The following PRIMA1 variants were observed in gnomAD, a reference collection of about 807,000 sequenced individuals.
PRIMA1 encodes proline rich membrane anchor 1.
In PRIMA1, 7 loss-of-function variants were observed where a neutral mutation model predicts 17.5. That is an observed-to-expected ratio of 0.40 (90% CI 0.23 to 0.75). PRIMA1 has a LOEUF of 0.75. Ranked by LOEUF, PRIMA1 falls within the 30% of genes least tolerant of loss-of-function variation. The pLI, the probability that PRIMA1 is intolerant of heterozygous loss-of-function variation, is 0.37. For missense variants in PRIMA1, 200 were observed against 201.8 expected (o/e 0.99, Z 0.05); for synonymous variants, 97 against 77.9 (o/e 1.25, Z -1.29).
intron 4 of PRIMA1, among the ~76,000 whole-genome samples, chr14:93,727,600 C>T (rs921583976): frequency 4.9e-4 from 74 of 152,086 alleles, no homozygotes; most frequent in African/African-American, 1.7e-3. Context: ...AGGGACAATG[C>T]CTCCCTGCCA....
chr14:93,728,208 A>G (rs560661425), intron 4 of PRIMA1, among the ~76,000 whole-genome samples: 1 of 152,318 alleles, frequency 6.6e-6, no homozygotes, highest in Non-Finnish European at 1.5e-5. Context: ...ACGGACTCAT[A>G]TGGCCCAAGG....
chr14:93,721,253 G>T lies in PRIMA1; in HGVS notation c.*191C>A. On this transcript the variant is annotated 3_prime_UTR_variant, in exon 5 of 5. Transcript: ENST00000393140. ...CTGCGCCGGGCTCAGCCTGGTGTCC[G>T]AGCTGCCTGGGCCCGCAGGCTGACC... 1 of 565,032 alleles carries T rather than the reference G, an allele frequency of 1.8e-6. No homozygotes were observed. Among genetic ancestry groups the T allele is most frequent in the Non-Finnish European group, 3.1e-6 (1 of 318,046 alleles). The allele number at this position is 565,032 out of a possible 1,614,324, so 35.0% of individuals were successfully genotyped here.
At position 93,784,091 on chromosome 14, in the gene PRIMA1, G is replaced by T. The variant is rs150708438; in HGVS notation, c.93+3535C>A. ...ACCTGCCTCTCATCTAGGATTGCCA[G>T]ATAAAATATAAGACACCCTATTACA... On this transcript the variant is annotated intron_variant, in intron 2 of 4. Transcript: ENST00000393140. Among the ~76,000 whole-genome samples the T allele has an allele frequency of 4.6e-5, 7 of 152,304 alleles. No individual in the cohort carries two copies. The East Asian group carries it at 1.4e-3, about 29-fold the overall frequency.
intron 2 of PRIMA1, among the ~76,000 whole-genome samples, chr14:93,785,810 T>A (rs909505796): frequency 6.6e-6 from 1 of 152,106 alleles, no homozygotes; most frequent in Non-Finnish European, 1.5e-5. Context: ...CTTTTTAAAT[T>A]GATTTTTATG....
intron 3 of PRIMA1, among the ~76,000 whole-genome samples, chr14:93,750,814 G>A (rs1288026806): frequency 1.3e-5 from 2 of 152,052 alleles, no homozygotes; most frequent in Admixed American, 1.3e-4. Context: ...TTTTAGAAAG[G>A]CCCTTTACCC....
At chr14:93,737,188 C>T in intron 4 of PRIMA1, 53 bp downstream of exon 4, 1 of 1,599,584 alleles carries the variant, frequency 6.3e-7, no homozygotes, top group South Asian at 1.1e-5. Flanking sequence ...GAGCCCCAAG[C>T]CCAGCTGGGG....
chr14:93,755,632 A>G (rs1429268898), intron 3 of PRIMA1, among the ~76,000 whole-genome samples: 3 of 152,202 alleles, frequency 2.0e-5, no homozygotes, highest in Admixed American at 6.5e-5. Context: ...TATGGTCTAT[A>G]CATGGTACTA....
At chr14:93,781,886 A>G (rs1300379612) in intron 2 of PRIMA1, among the ~76,000 whole-genome samples, 1 of 152,196 alleles carries the variant, frequency 6.6e-6, no homozygotes, top group Non-Finnish European at 1.5e-5. Context: ...GAGGCAGAGA[A>G]TGACTTGAAC....
chr14:93,764,907 C>G (rs989336897), intron 3 of PRIMA1, among the ~76,000 whole-genome samples: 57 of 152,264 alleles, frequency 3.7e-4, no homozygotes, highest in African/African-American at 1.3e-3. Context: ...CTTAATTGTG[C>G]CTGGTGGGAG....
chr14:93,788,056 C>T (rs1186247015), intron 1 of PRIMA1, among the ~76,000 whole-genome samples: 1 of 152,198 alleles, frequency 6.6e-6, no homozygotes, highest in Admixed American at 6.5e-5. Context: ...AGCACACTTA[C>T]TGCGCCCCAT....
intron 4 of PRIMA1, among the ~76,000 whole-genome samples, chr14:93,730,152 A>G (rs531331229): frequency 2.4e-4 from 37 of 152,348 alleles, no homozygotes; most frequent in African/African-American, 8.9e-4. Flanking sequence ...ACCAGTTTCT[A>G]TGTGCCAGGC....
At chr14:93,767,058 G>A (rs1482727695) in intron 3 of PRIMA1, among the ~76,000 whole-genome samples, 2 of 152,170 alleles carry the variant, frequency 1.3e-5, no homozygotes, top group Admixed American at 6.5e-5. Flanking sequence ...ACCTCACGTC[G>A]CCATGACCAA....
At chr14:93,781,831 T>C (rs1411234571) in intron 2 of PRIMA1, among the ~76,000 whole-genome samples, 1 of 148,624 alleles carries the variant, frequency 6.7e-6, no homozygotes, top group Non-Finnish European at 1.5e-5. Flanking sequence ...ATACAAAAAT[T>C]AGCCAGGGTG....
Position 93,738,212 on chromosome 14 carries a change from C to A in PRIMA1, c.230-842G>T, listed in dbSNP as rs565359178. 3.3e-5 allele frequency among the ~76,000 whole-genome samples: 5 copies of A among 152,222 alleles called. No individual in the cohort carries two copies. In the South Asian group the frequency reaches 1.0e-3, roughly 32 times the overall value. On this transcript the variant is annotated intron_variant, in intron 3 of 4. Coordinates refer to ENST00000393140, the MANE Select transcript of PRIMA1 (RefSeq NM_178013.4). The stretch of plus-strand genomic sequence containing the variant: ...CAATCCGTGGAGTCCTTGGGGTGAA[C>A]CTGTCCTCCCTCCCTTGGCACAGGC...
intron 4 of PRIMA1, among the ~76,000 whole-genome samples, chr14:93,722,651 G>A (rs1174980610): frequency 1.4e-5 from 2 of 146,190 alleles, no homozygotes; most frequent in Admixed American, 6.8e-5. Flanking sequence ...AGTGGTGGTG[G>A]CGATGGTGAT....
Position 93,737,790 on chromosome 14 carries a change from C to T in PRIMA1, c.230-420G>A, listed in dbSNP as rs567776060. On this transcript the variant is annotated intron_variant, in intron 3 of 4. Coordinates refer to ENST00000393140, the MANE Select transcript of PRIMA1 (RefSeq NM_178013.4). The stretch of plus-strand genomic sequence containing the variant: ...CCTCTGAGCGCCTCCATCCCTGCCC[C>T]GGCGTGCTCAGAGCAGGGGCTGAGC... 5.4e-4 allele frequency among the ~76,000 whole-genome samples: 83 copies of T among 152,346 alleles called. 1 individual carries two copies. The highest frequency in any genetic ancestry group is 1.6e-3 in the African/African-American group (67 of 41,586).
At chr14:93,785,335 T>C (rs1005308714) in intron 2 of PRIMA1, among the ~76,000 whole-genome samples, 1 of 152,106 alleles carries the variant, frequency 6.6e-6, no homozygotes, top group Non-Finnish European at 1.5e-5. Flanking sequence ...AATTTAAATA[T>C]CGTCTAACTT....
chr14:93,787,673 A>C lies in PRIMA1; in HGVS notation c.46T>G (p.Ser16Ala). The part of the protein sequence containing the change: ...LVLRRGCCWS[S>A]LLLHCALHPL... Reference sequence around the variant, plus strand: ...TGGAGCGCGCAGTGCAGCAGCAGCGAGGACCAGCAGCAGCCACGGCGCAGC... The same window carrying C: ...TGGAGCGCGCAGTGCAGCAGCAGCGCGGACCAGCAGCAGCCACGGCGCAGC... Residue 16 changes from serine (S) to alanine (A), a missense_variant, in exon 2 of 5, where the codon TCG becomes GCG. Transcript: ENST00000393140. 2 of 1,544,282 alleles carry C rather than the reference A, an allele frequency of 1.3e-6. No individual in the cohort carries two copies. The highest frequency in any genetic ancestry group is 1.7e-6 in the Non-Finnish European group (2 of 1,146,808).
intron 3 of PRIMA1, among the ~76,000 whole-genome samples, chr14:93,745,199 T>C (rs970043520): frequency 1.3e-5 from 2 of 152,122 alleles, no homozygotes; most frequent in Non-Finnish European, 2.9e-5. Flanking sequence ...TCACCCACCA[T>C]AGACAGGAAC....
Sources: gnomAD v4.1 joint callset for allele counts (sites outside exome capture counted in the v4.1 genomes callset) on GRCh38, gnomAD v4.1.1 for gene constraint, MANE v1.5 for transcripts, NCBI Gene and HGNC (gene_info 2026-07-23, HGNC 2026-07-21) for gene names.